Variants in MIB1 observed in about 807,000 individuals in gnomAD.
MIB1 encodes the protein MIB E3 ubiquitin protein ligase 1, also known as E3 ubiquitin-protein ligase MIB1.
In MIB1, 278 loss-of-function variants were observed where a neutral mutation model predicts 124.5. The observed-to-expected ratio is 2.23, with a 90% CI of 2.02 to 2.47. MIB1 has a LOEUF of 2.47. Ranked by LOEUF, MIB1 falls within the 30% of genes most tolerant of loss-of-function variation. The probability of loss-of-function intolerance (pLI) is 0.00; values close to 1 mark genes in which losing one functional copy is unlikely to be tolerated. For synonymous variants in MIB1, 446 were observed against 429.4 expected, an observed-to-expected ratio of 1.04 and a Z score of -0.48; for missense variants, 957 against 1,254.4, an observed-to-expected ratio of 0.76 and a Z score of 3.58.
At chr18:21,801,647 A>G (rs932811376) in intron 9 of MIB1, among the ~76,000 whole-genome samples, 1 of 152,018 alleles carries the variant, frequency 6.6e-6, no homozygotes, top group Non-Finnish European at 1.5e-5. Context: ...TCTTTACCTT[A>G]CATGTAATTT....
At chr18:21,863,614 G>C (rs2042295556) in intron 20 of MIB1, among the ~76,000 whole-genome samples, 1 of 152,082 alleles carries the variant, frequency 6.6e-6, no homozygotes, top group Non-Finnish European at 1.5e-5. Context: ...ACCTGGGTCT[G>C]GAGTCTTTAA....
chr18:21,784,058 T>C lies in MIB1; in HGVS notation c.908+4373T>C, dbSNP rs371066994. Reference sequence around the variant, plus strand: ...GCACCCAGCCTGTGTTGCTTTTTTTTTTTTTTTTTGATACGGAGTCTCGCT... The same window carrying C: ...GCACCCAGCCTGTGTTGCTTTTTTTCTTTTTTTTTGATACGGAGTCTCGCT... On this transcript the variant is annotated intron_variant, in intron 6 of 20. Coordinates refer to ENST00000261537, the MANE Select transcript of MIB1 (RefSeq NM_020774.4). Among the ~76,000 whole-genome samples, 22 of 150,752 alleles carry C rather than the reference T, an allele frequency of 1.5e-4. No homozygotes were observed. The East Asian group carries it at 2.4e-3, about 16-fold the overall frequency.
At chr18:21,707,455 C>A (rs1257463725) in intron 1 of MIB1, among the ~76,000 whole-genome samples, 1 of 152,234 alleles carries the variant, frequency 6.6e-6, no homozygotes. Flanking sequence ...GGGTCGCCTT[C>A]CACGTTGTGG....
At chr18:21,784,142 T>C (rs2041405533) in intron 6 of MIB1, among the ~76,000 whole-genome samples, 1 of 148,484 alleles carries the variant, frequency 6.7e-6, no homozygotes, top group Non-Finnish European at 1.5e-5. Context: ...TCCGACTCCC[T>C]GGTTCAGACA....
intron 6 of MIB1, among the ~76,000 whole-genome samples, chr18:21,786,166 G>A (rs1219315015): frequency 3.3e-5 from 5 of 151,590 alleles, no homozygotes; most frequent in African/African-American, 1.2e-4. Context: ...GCACGATCTC[G>A]GCTCACTGCA....
At chr18:21,826,544 G>A (rs996814446) in intron 12 of MIB1, 4 of 151,796 alleles carry the variant, frequency 2.6e-5, no homozygotes, top group African/African-American at 9.7e-5. Context: ...TCTCATTATC[G>A]CCTTAGTAAT....
chr18:21,852,045 A>G (rs1183728429), intron 17 of MIB1, among the ~76,000 whole-genome samples: 1 of 152,246 alleles, frequency 6.6e-6, no homozygotes, highest in Non-Finnish European at 1.5e-5. Context: ...CTGATTTTAT[A>G]TATTACACAT....
At chr18:21,761,418 C>G (rs925510475) in intron 1 of MIB1, among the ~76,000 whole-genome samples, 7 of 152,154 alleles carry the variant, frequency 4.6e-5, no homozygotes, top group African/African-American at 1.7e-4. Context: ...TACTGAAATA[C>G]AGGTATACCT....
intron 1 of MIB1, among the ~76,000 whole-genome samples, chr18:21,722,521 C>G (rs2040720431): frequency 6.6e-6 from 1 of 151,930 alleles, no homozygotes; most frequent in Non-Finnish European, 1.5e-5. Context: ...CAGGCGCCTG[C>G]CACCACACCC....
intron 1 of MIB1, among the ~76,000 whole-genome samples, chr18:21,748,683 G>C (rs1168649319): frequency 6.7e-6 from 1 of 149,734 alleles, no homozygotes; most frequent in East Asian, 2.0e-4. Flanking sequence ...CATCTGCCTT[G>C]GCCTCCCAAA....
At chr18:21,769,887 A>G (rs1156907447) in intron 3 of MIB1, among the ~76,000 whole-genome samples, 1 of 152,164 alleles carries the variant, frequency 6.6e-6, no homozygotes, top group Non-Finnish European at 1.5e-5. Flanking sequence ...GTTTGCTTTG[A>G]TTTAACACAT....
chr18:21,819,762 T>G, intron 12 of MIB1, 116 bp downstream of exon 12: 1 of 693,530 alleles, frequency 1.4e-6, no homozygotes, highest in Non-Finnish European at 2.1e-6. Flanking sequence ...TTAAATCATT[T>G]TAAAGTTTTG....
chr18:21,844,019 C>T, intron 14 of MIB1, 73 bp from the exon 15 acceptor site: 1 of 1,463,900 alleles, frequency 6.8e-7, no homozygotes, highest in East Asian at 2.3e-5. Context: ...GTGTTCTCAC[C>T]ATTACTTTAG....
intron 1 of MIB1, among the ~76,000 whole-genome samples, chr18:21,721,332 C>T (rs957933375): frequency 4.0e-5 from 6 of 151,256 alleles, no homozygotes; most frequent in Non-Finnish European, 5.9e-5. Flanking sequence ...AAGCATACAC[C>T]GCCACGCCCA....
intron 7 of MIB1, among the ~76,000 whole-genome samples, chr18:21,791,812 G>A (rs2041507802): frequency 6.6e-6 from 1 of 152,144 alleles, no homozygotes. Flanking sequence ...TGTGGTGCAA[G>A]TCAGCAGTGG....
intron 1 of MIB1, among the ~76,000 whole-genome samples, chr18:21,715,178 A>T (rs1378499334): frequency 6.6e-6 from 1 of 152,210 alleles, no homozygotes; most frequent in East Asian, 1.9e-4. Flanking sequence ...CAGATGGCTC[A>T]TATCACAGGA....
chr18:21,819,545 T>C lies in MIB1; in HGVS notation c.1728T>C (p.Asp576=), dbSNP rs1215602071. Residue 576 remains aspartate (D), a synonymous_variant, in exon 12 of 21, where the codon GAT becomes GAC. Transcript: ENST00000261537. ...PLHDAISKKR[D]DILAVLLEAG... ...ATGATGCAATAAGTAAGAAACGTGATGATATCCTAGCAGTTCTTTTGGAAG... is the reference window on the plus strand; with the variant it reads ...ATGATGCAATAAGTAAGAAACGTGACGATATCCTAGCAGTTCTTTTGGAAG... 2 of 1,610,494 alleles carry C rather than the reference T, an allele frequency of 1.2e-6. No homozygotes were observed. Among genetic ancestry groups the C allele is most frequent in the Admixed American group, 3.3e-5 (2 of 59,852 alleles).
At chr18:21,834,232 T>G (rs868396544) in intron 12 of MIB1, among the ~76,000 whole-genome samples, 1 of 152,212 alleles carries the variant, frequency 6.6e-6, no homozygotes, top group Non-Finnish European at 1.5e-5. Context: ...GAAACTGTTT[T>G]GCTTAACTTT....
At chr18:21,805,104 C>T (rs1047849658) in intron 10 of MIB1, among the ~76,000 whole-genome samples, 5 of 152,064 alleles carry the variant, frequency 3.3e-5, no homozygotes, top group African/African-American at 1.2e-4. Flanking sequence ...CCTCTGCCTC[C>T]TGGGATCAAG....
Sources: gnomAD v4.1 joint callset for allele counts (sites outside exome capture counted in the v4.1 genomes callset) on GRCh38, gnomAD v4.1.1 for gene constraint, MANE v1.5 for transcripts, NCBI Gene and HGNC (gene_info 2026-07-23, HGNC 2026-07-21) for gene names.